Variants in TF observed in about 807,000 individuals in gnomAD.
TF encodes serotransferrin.
A neutral mutation model predicts 82.4 loss-of-function variants in TF; 55 were observed. That is an observed-to-expected ratio of 0.67 (90% CI 0.54 to 0.84). The LOEUF is 0.84. Among genes scored for constraint, TF ranks in the 40% least tolerant of loss-of-function variants. The pLI is 0.00. For missense variants in TF, 737 were observed against 868.4 expected, an observed-to-expected ratio of 0.85 and a Z score of 1.90; for synonymous variants, 332 against 332.6, an observed-to-expected ratio of 1.00 and a Z score of 0.02.
chr3:133,727,211 G>C, the TF span, among the ~76,000 whole-genome samples: 1 of 151,962 alleles, frequency 6.6e-6, no homozygotes, highest in Admixed American at 6.6e-5. Flanking sequence ...GGGTATCCTT[G>C]TTAACTTTCT....
chr3:133,775,355 C>G lies in TF; in HGVS notation c.1688-78C>G, dbSNP rs1934359167. 6.7e-6 allele frequency: 10 copies of G among 1,482,596 alleles called. No individual in the cohort carries two copies. In the Admixed American group the frequency reaches 1.2e-4, roughly 17 times the overall value. The allele number at this position is 1,482,596 out of a possible 1,614,324, so 91.8% of individuals were successfully genotyped here. ...CGAGAAGGCCCAGGTTCTCTACACACCACTGAGTCAGTTCCATCTCCCCAG... is the reference window on the plus strand; with the variant it reads ...CGAGAAGGCCCAGGTTCTCTACACAGCACTGAGTCAGTTCCATCTCCCCAG... On this transcript the variant is annotated intron_variant, in intron 14 of 16. Transcript: ENST00000402696.
At chr3:133,755,175 A>G (rs912202249) in intron 4 of TF, among the ~76,000 whole-genome samples, 188 bp from the exon 5 acceptor site, 2 of 152,252 alleles carry the variant, frequency 1.3e-5, no homozygotes, top group Admixed American at 6.5e-5. Context: ...GATGGTGGCC[A>G]GACAGAGGTC....
the TF span, among the ~76,000 whole-genome samples, chr3:133,670,654 C>T: frequency 6.6e-6 from 1 of 152,302 alleles, no homozygotes; most frequent in Non-Finnish European, 1.5e-5. Context: ...TTGCTCAACC[C>T]ACTTTTGAGA....
At chr3:133,676,037 C>A in the TF span, among the ~76,000 whole-genome samples, 1 of 152,114 alleles carries the variant, frequency 6.6e-6, no homozygotes, top group Non-Finnish European at 1.5e-5. Flanking sequence ...GAGGAGCAGG[C>A]AGGACACATG....
chr3:133,739,142 G>T, the TF span, among the ~76,000 whole-genome samples: 4 of 152,056 alleles, frequency 2.6e-5, no homozygotes, highest in African/African-American at 4.8e-5. Flanking sequence ...CAGAACAGAG[G>T]CCTCAAAAAA....
chr3:133,787,248 T>C lies in TF; in HGVS notation c.*8628T>C, dbSNP rs2107947617. 1.3e-5 allele frequency: 2 copies of C among 152,348 alleles called. 1 individual carries two copies. Among genetic ancestry groups the C allele is most frequent in the South Asian group, 4.1e-4 (2 of 4,826 alleles). 9.4% of individuals were successfully genotyped at this position (152,348 alleles called of 1,614,324 possible). A position where few individuals can be genotyped will look rare whatever the true frequency, so the allele number is the denominator to read the frequency against. The stretch of plus-strand genomic sequence containing the variant: ...ATTAGCACATTTTGCACACTTTGTA[T>C]TGAAATTCATAGGAAAGCTTGTCTT... On this transcript the variant is annotated 3_prime_UTR_variant, in exon 17 of 17. Coordinates refer to ENST00000402696, the MANE Select transcript of TF (RefSeq NM_001063.4).
At chr3:133,714,941 C>T in the TF span, among the ~76,000 whole-genome samples, 3 of 152,178 alleles carry the variant, frequency 2.0e-5, no homozygotes. Context: ...CCTCGGCCTC[C>T]CAAAGTGCTG....
intron 4 of TF, 133 bp from the exon 5 acceptor site, chr3:133,755,230 A>G: frequency 8.7e-7 from 1 of 1,155,160 alleles, no homozygotes; most frequent in South Asian, 1.3e-5. Context: ...AGTTAGCATA[A>G]GGGCAAGCTG....
the TF span, among the ~76,000 whole-genome samples, chr3:133,686,922 A>G: frequency 4.6e-5 from 7 of 152,390 alleles, no homozygotes; most frequent in Non-Finnish European, 8.8e-5. Context: ...ACTATTCACA[A>G]TAGCAAAGAC....
At chr3:133,735,566 T>A in the TF span, among the ~76,000 whole-genome samples, 16,695 of 152,064 alleles carry the variant, frequency 0.11, 1,183 homozygotes, top group Non-Finnish European at 0.15. Context: ...GAAAAAAGGT[T>A]AGAGGAATTG....
chr3:133,768,784 A>ATTTT (rs5852766), intron 13 of TF, among the ~76,000 whole-genome samples: 4 of 82,160 alleles, frequency 4.9e-5, no homozygotes, highest in African/African-American at 1.0e-4. Context: ...GTACCTTGCT[A>ATTTT]TTTTTTTTTT....
rs1934960051 is a variant in TF, at chr3:133,795,997, GAAACA to G, written c.*17378_*17382del. 6.6e-6 allele frequency: 1 copy of G among 152,220 alleles called. No homozygotes were observed. The highest frequency in any genetic ancestry group is 2.1e-4 in the South Asian group (1 of 4,820). 9.4% of individuals were successfully genotyped at this position (152,220 alleles called of 1,614,324 possible). On this transcript the variant is annotated 3_prime_UTR_variant, in exon 17 of 17. Transcript: ENST00000402696. ...GAGTCACGTATGCCAAGACCTTAAG[GAAACA>G]CATAGATCCTAGAACAGACCACAGG...
intron 16 of TF, 35 bp downstream of exon 16, chr3:133,777,273 C>A: frequency 6.2e-7 from 1 of 1,601,624 alleles, no homozygotes; most frequent in South Asian, 1.1e-5. Context: ...AAGTGGCAAC[C>A]AAACATGGTG....
At chr3:133,744,381 C>A (rs1471101333), upstream of TF, among the ~76,000 whole-genome samples, 1 of 152,238 alleles carries the variant, frequency 6.6e-6, no homozygotes, top group African/African-American at 2.4e-5. Context: ...CTCTGGCAGA[C>A]CCTGCAAGCT....
intron 7 of TF, among the ~76,000 whole-genome samples, 177 bp from the exon 8 acceptor site, chr3:133,757,592 C>T (rs1245692242): frequency 2.6e-5 from 4 of 152,212 alleles, no homozygotes; most frequent in South Asian, 4.1e-4. Context: ...CGCGGACCCA[C>T]GAGGGCTACA....
chr3:133,666,550 A>C, the TF span, among the ~76,000 whole-genome samples: 1 of 152,208 alleles, frequency 6.6e-6, no homozygotes, highest in Non-Finnish European at 1.5e-5. Flanking sequence ...ACATTTGTTT[A>C]AACTATTGTC....
At chr3:133,679,781 A>G in the TF span, among the ~76,000 whole-genome samples, 1 of 152,202 alleles carries the variant, frequency 6.6e-6, no homozygotes, top group Non-Finnish European at 1.5e-5. Context: ...ACATTAGTGG[A>G]CAAGTCTTTG....
At chr3:133,683,537 G>A in the TF span, among the ~76,000 whole-genome samples, 1 of 151,968 alleles carries the variant, frequency 6.6e-6, no homozygotes, top group Non-Finnish European at 1.5e-5. Flanking sequence ...CAAAAAAAAA[G>A]CAGTGGTTGC....
At chr3:133,708,889 G>A in the TF span, among the ~76,000 whole-genome samples, 38 of 151,826 alleles carry the variant, frequency 2.5e-4, no homozygotes, top group East Asian at 6.0e-3. Context: ...AAGAAATGAA[G>A]CACTATTTTA....
Sources: allele counts gnomAD v4.1 joint callset (sites outside exome capture counted in the v4.1 genomes callset), GRCh38; gene constraint gnomAD v4.1.1; transcripts MANE v1.5; gene names NCBI Gene and HGNC (gene_info 2026-07-23, HGNC 2026-07-21).